The following YPEL2 variants were observed in gnomAD, a reference collection of about 807,000 sequenced individuals.
YPEL2 encodes yippee like 2, also known as protein yippee-like 2.
In YPEL2, 2 loss-of-function variants were observed where a neutral mutation model predicts 19.1. The observed-to-expected ratio is 0.10, with a 90% CI of 0.04 to 0.33. The LOEUF (loss-of-function observed/expected upper bound fraction) is 0.33. YPEL2 is among the 10% of genes least tolerant of loss of function. The pLI, the probability that YPEL2 is intolerant of heterozygous loss-of-function variation, is 1.00. For synonymous variants in YPEL2, 52 were observed against 50.0 expected (o/e 1.04, Z -0.17); for missense variants, 66 against 140.7 (o/e 0.47, Z 2.68).
intron 2 of YPEL2, among the ~76,000 whole-genome samples, chr17:59,374,932 C>G (rs2047913283): frequency 6.6e-6 from 1 of 152,144 alleles, no homozygotes; most frequent in African/African-American, 2.4e-5. Context: ...GAAGGAAAAC[C>G]TGATGTGGGA....
chr17:59,331,996 G>A (rs1354518956), intron 1 of YPEL2, among the ~76,000 whole-genome samples, 172 bp downstream of exon 1: 1 of 151,500 alleles, frequency 6.6e-6, no homozygotes, highest in Non-Finnish European at 1.5e-5. Flanking sequence ...CGCCGGGGAC[G>A]GGGAGCGGCC....
At chr17:59,339,370 C>CT (rs1334074390) in intron 1 of YPEL2, among the ~76,000 whole-genome samples, 1 of 152,204 alleles carries the variant, frequency 6.6e-6, no homozygotes, top group Admixed American at 6.5e-5. Flanking sequence ...TAACTGCAGC[C>CT]TTAAAGCTAA....
intron 1 of YPEL2, among the ~76,000 whole-genome samples, chr17:59,340,596 C>CGAAA (rs1353814751): frequency 6.6e-6 from 1 of 150,866 alleles, no homozygotes; most frequent in African/African-American, 2.4e-5. Context: ...TTTATACTTT[C>CGAAA]AGTAGAGACG....
chr17:59,353,452 C>A lies in YPEL2; in HGVS notation c.43C>A (p.Pro15Thr). Residue 15 changes from proline (P) to threonine (T), a missense_variant, in exon 2 of 5, where the codon CCC becomes ACC. Transcript: ENST00000312655. The surrounding 1 kb of genome is among the most constrained non-coding windows in gnomAD (Gnocchi z 4.8). ...TRSKTFQAYL[P>T]SCHRTYSCIH... ...ATCGAAGACTTTCCAGGCATATCTG[C>A]CCTCCTGCCACCGGACCTACAGCTG... The A allele has an allele frequency of 6.2e-7, 1 of 1,611,316 alleles. No homozygotes were observed. Among genetic ancestry groups the A allele is most frequent in the South Asian group, 1.1e-5 (1 of 90,612 alleles).
intron 2 of YPEL2, among the ~76,000 whole-genome samples, chr17:59,381,407 CCT>C (rs1406885421): frequency 2.6e-5 from 4 of 152,150 alleles, no homozygotes; most frequent in Admixed American, 1.3e-4. Flanking sequence ...AGGCTCTGCT[CCT>C]CTGCTAGACC....
intron 1 of YPEL2, among the ~76,000 whole-genome samples, chr17:59,339,629 G>C (rs1814795153): frequency 6.6e-6 from 1 of 152,138 alleles, no homozygotes; most frequent in Non-Finnish European, 1.5e-5. Context: ...AAGGAATTCA[G>C]GGACTGAGAA....
intron 2 of YPEL2, among the ~76,000 whole-genome samples, chr17:59,375,249 C>T (rs2047914921): frequency 6.6e-6 from 1 of 152,104 alleles, no homozygotes; most frequent in African/African-American, 2.4e-5. Context: ...TGGATAAAGT[C>T]ATGTATGTAT....
At chr17:59,395,695 G>A (rs1436931787) in intron 4 of YPEL2, among the ~76,000 whole-genome samples, 1 of 152,134 alleles carries the variant, frequency 6.6e-6, no homozygotes, top group Non-Finnish European at 1.5e-5. Flanking sequence ...GAAGCAGCAA[G>A]AAAAACCGAT....
At chr17:59,351,103 G>A (rs534461068) in intron 1 of YPEL2, among the ~76,000 whole-genome samples, 5 of 152,256 alleles carry the variant, frequency 3.3e-5, no homozygotes, top group East Asian at 1.9e-4. Context: ...GGCCAGGTGC[G>A]GTGGTTCACA....
At chr17:59,388,077 T>G (rs989768173) in intron 2 of YPEL2, among the ~76,000 whole-genome samples, 1 of 152,222 alleles carries the variant, frequency 6.6e-6, no homozygotes, top group Non-Finnish European at 1.5e-5. Context: ...ATAGTGGTTT[T>G]GGGTTTTTTT....
At chr17:59,385,159 A>T (rs139718829) in intron 2 of YPEL2, among the ~76,000 whole-genome samples, 2 of 152,376 alleles carry the variant, frequency 1.3e-5, no homozygotes, top group East Asian at 1.9e-4. Flanking sequence ...ACTCAGCAAC[A>T]AAAAGGGAAT....
chr17:59,347,054 G>A (rs1216633747), intron 1 of YPEL2, among the ~76,000 whole-genome samples: 1 of 152,180 alleles, frequency 6.6e-6, no homozygotes, highest in East Asian at 1.9e-4. Flanking sequence ...TGAGTCCGAA[G>A]CTATGCATGG....
At chr17:59,366,796 A>G (rs752390751) in intron 2 of YPEL2, among the ~76,000 whole-genome samples, 3 of 152,232 alleles carry the variant, frequency 2.0e-5, no homozygotes, top group Admixed American at 6.5e-5. Flanking sequence ...AGAGGAAGCC[A>G]GTGAAACTAG....
rs1327032639 is a variant in YPEL2, at chr17:59,401,153, G to A, written c.*3963G>A. 2.6e-5 allele frequency: 4 copies of A among 151,698 alleles called. No individual in the cohort carries two copies. Among genetic ancestry groups the A allele is most frequent in the Non-Finnish European group, 5.9e-5 (4 of 67,990 alleles). The allele number at this position is 151,698 out of a possible 1,614,324, so 9.4% of individuals were successfully genotyped here. Reference sequence around the variant, plus strand: ...ATATTATAATACACATATCTTAGTGGTAAACAGCTTTTTTTTTTTAAGGTC... The same window carrying A: ...ATATTATAATACACATATCTTAGTGATAAACAGCTTTTTTTTTTTAAGGTC... On this transcript the variant is annotated 3_prime_UTR_variant, in exon 5 of 5. Transcript: ENST00000312655.
At position 59,389,441 on chromosome 17, in the gene YPEL2, C is replaced by G; in HGVS notation, c.243C>G (p.Asn81Lys). Reference protein sequence around the residue: ...LHAVADIYCENCKTTLGWKYE... With the variant: ...LHAVADIYCEKCKTTLGWKYE... ...CAGTCGCAGACATTTACTGTGAAAA[C>G]TGCAAAACCACTCTGGGCTGGAAAT... is the stretch of plus-strand genomic sequence containing the variant. Residue 81 changes from asparagine (N) to lysine (K), a missense_variant, in exon 4 of 5, where the codon AAC (asparagine) becomes AAG (lysine). Asn to Lys is a moderately conservative substitution (Grantham distance 94). Transcript: ENST00000312655. 1 of 1,613,952 alleles carries G rather than the reference C, an allele frequency of 6.2e-7. No homozygotes were observed. The highest frequency in any genetic ancestry group is 1.1e-5 in the South Asian group (1 of 91,080).
At chr17:59,348,043 CACTT>C (rs1335043532) in intron 1 of YPEL2, among the ~76,000 whole-genome samples, 3 of 152,186 alleles carry the variant, frequency 2.0e-5, no homozygotes, top group Non-Finnish European at 4.4e-5. Context: ...GAGATCATCT[CACTT>C]AACACCTAGA....
chr17:59,344,037 T>A (rs2047744236), intron 1 of YPEL2, among the ~76,000 whole-genome samples: 1 of 152,170 alleles, frequency 6.6e-6, no homozygotes. Context: ...GGGGGTTTCC[T>A]GCTTGGGCAA....
intron 1 of YPEL2, among the ~76,000 whole-genome samples, chr17:59,340,756 C>T (rs1882005186): frequency 6.7e-6 from 1 of 148,966 alleles, no homozygotes; most frequent in Non-Finnish European, 1.5e-5. Context: ...TGCTCTGTTG[C>T]CCAGGCTGGA....
chr17:59,371,411 G>A (rs1414042357), intron 2 of YPEL2, among the ~76,000 whole-genome samples: 1 of 152,232 alleles, frequency 6.6e-6, no homozygotes, highest in Non-Finnish European at 1.5e-5. Context: ...GTGGAACATG[G>A]CTTGGCTGGG....
Sources: gnomAD v4.1 joint callset for allele counts (sites outside exome capture counted in the v4.1 genomes callset) on GRCh38, gnomAD v4.1.1 for gene constraint, Gnocchi (gnomAD v3.1) non-coding constraint, MANE v1.5 for transcripts, NCBI Gene and HGNC (gene_info 2026-07-23, HGNC 2026-07-21) for gene names.